The following SLC37A1 variants were observed in gnomAD, a reference collection of about 807,000 sequenced individuals.
The protein encoded by SLC37A1 is glucose-6-phosphate exchanger SLC37A1.
A neutral mutation model predicts 75.3 loss-of-function variants in SLC37A1; 49 were observed. The observed-to-expected ratio is 0.65, with a 90% CI of 0.52 to 0.83. SLC37A1 has a LOEUF of 0.83. SLC37A1 is among the 40% of genes least tolerant of loss of function. The pLI, the probability that SLC37A1 is intolerant of heterozygous loss-of-function variation, is 0.00. For missense variants in SLC37A1, 566 were observed against 695.0 expected (o/e 0.81, Z 2.09); for synonymous variants, 268 against 292.1 (o/e 0.92, Z 0.84).
rs775544314 is a variant in SLC37A1, at chr21:42,514,425, T to G, written c.-471T>G. On this transcript the variant is annotated 5_prime_UTR_variant, in exon 1 of 20. Transcript: ENST00000352133. The surrounding 1 kb of genome is among the most constrained non-coding windows in gnomAD (Gnocchi z 4.8). Reference sequence around the variant, plus strand: ...CGGCAGGAGGGGACCCTGCGCATTGTCTGCCGCGATGGGGACGTGGGCGTG... The same window carrying G: ...CGGCAGGAGGGGACCCTGCGCATTGGCTGCCGCGATGGGGACGTGGGCGTG... 1.3e-5 allele frequency: 2 copies of G among 152,142 alleles called. No homozygotes were observed. Among genetic ancestry groups the G allele is most frequent in the African/African-American group, 4.8e-5 (2 of 41,432 alleles). The allele number at this position is 152,142 out of a possible 1,614,324, so 9.4% of individuals were successfully genotyped here.
At chr21:42,515,356 G>A (rs1393741429) in intron 1 of SLC37A1, among the ~76,000 whole-genome samples, 1 of 150,488 alleles carries the variant, frequency 6.6e-6, no homozygotes. Flanking sequence ...CCTGTAAAGT[G>A]AGACCCAGTT....
At chr21:42,540,148 T>C (rs998623911) in intron 6 of SLC37A1, among the ~76,000 whole-genome samples, 3 of 152,236 alleles carry the variant, frequency 2.0e-5, no homozygotes, top group Non-Finnish European at 4.4e-5. Flanking sequence ...ATTTAAAGCA[T>C]GTATTAGGGG....
chr21:42,563,736 G>A, intron 12 of SLC37A1, 79 bp from the exon 13 acceptor site: 1 of 1,353,694 alleles, frequency 7.4e-7, no homozygotes, highest in Non-Finnish European at 1.1e-6. Flanking sequence ...CCGTGCACGG[G>A]TCCTGTTCTG....
intron 3 of SLC37A1, 53 bp from the exon 4 acceptor site, chr21:42,534,645 G>A: frequency 6.3e-7 from 1 of 1,577,700 alleles, no homozygotes; most frequent in Non-Finnish European, 8.6e-7. Context: ...CCCATGCTGA[G>A]CCTCACTGAG....
chr21:42,563,944 T>C (rs946477756), intron 13 of SLC37A1, 67 bp downstream of exon 13: 2 of 1,557,040 alleles, frequency 1.3e-6, no homozygotes, highest in Non-Finnish European at 1.8e-6. Context: ...CTGAGTTGAT[T>C]CACTGCTCAG....
intron 1 of SLC37A1, among the ~76,000 whole-genome samples, chr21:42,516,649 T>C (rs530727099): frequency 6.6e-6 from 1 of 152,276 alleles, no homozygotes. Flanking sequence ...ATCATTGTTT[T>C]AAAAAGAAAT....
chr21:42,536,159 C>T (rs547873982), intron 5 of SLC37A1, among the ~76,000 whole-genome samples: 1 of 152,312 alleles, frequency 6.6e-6, no homozygotes, highest in South Asian at 2.1e-4. Context: ...GCAGGGAACT[C>T]CAGAGAGACA....
At position 42,525,899 on chromosome 21, in the gene SLC37A1, G is replaced by C. The variant is rs547711307; in HGVS notation, c.138+42G>C. 4.7e-6 allele frequency: 7 copies of C among 1,495,616 alleles called. No individual in the cohort carries two copies. In the East Asian group the frequency reaches 1.6e-4, roughly 34 times the overall value. 92.6% of individuals were successfully genotyped at this position (1,495,616 alleles called of 1,614,324 possible). On this transcript the variant is annotated intron_variant, in intron 3 of 19. Coordinates refer to ENST00000352133, the MANE Select transcript of SLC37A1 (RefSeq NM_001320537.2). ...GCACTGCCTGTCGTCTCTGTGAGGA[G>C]TTCGTCACTTGAAAAGCTTGTGGGG...
intron 4 of SLC37A1, 86 bp downstream of exon 4, chr21:42,534,916 TC>T: frequency 6.7e-7 from 1 of 1,491,294 alleles, no homozygotes. Flanking sequence ...GTAATGCTGT[TC>T]CCAGATGTAA....
At chr21:42,528,270 T>C (rs1030360819) in intron 3 of SLC37A1, among the ~76,000 whole-genome samples, 10 of 152,196 alleles carry the variant, frequency 6.6e-5, no homozygotes, top group African/African-American at 2.4e-4. Context: ...AGTGCAACCC[T>C]GTCCCTTCTA....
chr21:42,523,350 C>T (rs554367935), intron 2 of SLC37A1, among the ~76,000 whole-genome samples: 1 of 152,336 alleles, frequency 6.6e-6, no homozygotes, highest in East Asian at 1.9e-4. Context: ...GCCTTACTTG[C>T]CCTAGTCAGC....
chr21:42,511,004 G>A (rs1470933303), upstream of SLC37A1, among the ~76,000 whole-genome samples: 4 of 152,150 alleles, frequency 2.6e-5, no homozygotes, highest in Non-Finnish European at 5.9e-5. Context: ...GGACCTAACA[G>A]ACATACAGAA....
At chr21:42,580,232 C>T in intron 19 of SLC37A1, 113 bp from the exon 20 acceptor site, 4 of 1,241,420 alleles carry the variant, frequency 3.2e-6, no homozygotes, top group African/African-American at 1.5e-5. Flanking sequence ...CCCTGCTGGG[C>T]CGGGAGGGCA....
At chr21:42,579,058 G>C (rs2056363966) in intron 18 of SLC37A1, among the ~76,000 whole-genome samples, 3 of 152,258 alleles carry the variant, frequency 2.0e-5, no homozygotes, top group African/African-American at 7.2e-5. Context: ...AAATGCACTA[G>C]TTAAATTGGA....
chr21:42,551,459 G>A (rs1300060067), intron 9 of SLC37A1, among the ~76,000 whole-genome samples: 1 of 152,164 alleles, frequency 6.6e-6, no homozygotes, highest in Non-Finnish European at 1.5e-5. Context: ...GGAAGAAAGG[G>A]GGGATGACTG....
intron 12 of SLC37A1, among the ~76,000 whole-genome samples, chr21:42,562,953 G>C (rs933225445): frequency 3.5e-4 from 53 of 152,148 alleles, no homozygotes; most frequent in Admixed American, 3.3e-3. Flanking sequence ...CCTATTCTGG[G>C]GATGCAGATC....
rs2054469386 is a variant in SLC37A1 at position 42,513,877 on chromosome 21, G to A, written c.-1019G>A. 1 of 146,562 alleles carries A rather than the reference G, an allele frequency of 6.8e-6. No homozygotes were observed. 9.1% of individuals were successfully genotyped at this position (146,562 alleles called of 1,614,324 possible). A position where few individuals can be genotyped will look rare whatever the true frequency, so the allele number is the denominator to read the frequency against. On this transcript the variant is annotated 5_prime_UTR_variant, in exon 1 of 20. Coordinates refer to ENST00000352133, the MANE Select transcript of SLC37A1 (RefSeq NM_001320537.2). ...GAAGTCGCGAGCAGGAAGCGCCCGC[G>A]GCGGCCGGGCCGGGCTGGGCTGCGG...
chr21:42,530,657 C>CCCCCCCT (rs2054943040), intron 3 of SLC37A1, among the ~76,000 whole-genome samples: 1 of 34,364 alleles, frequency 2.9e-5, no homozygotes, highest in Non-Finnish European at 6.1e-5. Flanking sequence ...CACACACACC[C>CCCCCCCT]CCTCTGTGTT....
chr21:42,555,234 C>T (rs905943172), intron 10 of SLC37A1, among the ~76,000 whole-genome samples: 1 of 152,008 alleles, frequency 6.6e-6, no homozygotes, highest in South Asian at 2.1e-4. Context: ...GTGACCCACC[C>T]GCCTTAGCCT....
Sources: gnomAD v4.1 joint callset for allele counts (sites outside exome capture counted in the v4.1 genomes callset) on GRCh38, gnomAD v4.1.1 for gene constraint, Gnocchi (gnomAD v3.1) non-coding constraint, MANE v1.5 for transcripts, NCBI Gene and HGNC (gene_info 2026-07-23, HGNC 2026-07-21) for gene names.